Variants in SEMA3A observed in about 807,000 individuals in gnomAD.
SEMA3A encodes the protein semaphorin 3A.
In SEMA3A, 29 loss-of-function variants were observed where a neutral mutation model predicts 97.9. That is an observed-to-expected ratio of 0.30 (90% CI 0.22 to 0.40). SEMA3A has a LOEUF of 0.40. SEMA3A is among the 10% of genes least tolerant of loss of function. SEMA3A has a pLI of 1.00. For missense variants in SEMA3A, 763 were observed against 951.3 expected, an observed-to-expected ratio of 0.80 and a Z score of 2.60; for synonymous variants, 321 against 323.7, an observed-to-expected ratio of 0.99 and a Z score of 0.09.
chr7:84,260,534 G>A (rs368913187), intron 3 of SEMA3A, among the ~76,000 whole-genome samples: 2 of 152,174 alleles, frequency 1.3e-5, no homozygotes, highest in Non-Finnish European at 2.9e-5. Context: ...GCTCGAAAGT[G>A]CCTGTTCCCA....
chr7:83,992,500 G>T (rs1239182008), intron 12 of SEMA3A, among the ~76,000 whole-genome samples: 2 of 151,936 alleles, frequency 1.3e-5, no homozygotes, highest in East Asian at 3.9e-4. Flanking sequence ...ATGCGTCCCA[G>T]AGATTCTGGT....
chr7:84,227,567 C>T (rs1584145580), intron 3 of SEMA3A, among the ~76,000 whole-genome samples: 1 of 152,058 alleles, frequency 6.6e-6, no homozygotes, highest in East Asian at 1.9e-4. Flanking sequence ...TATTATTTGT[C>T]TTTAAAAGAG....
At chr7:84,137,608 G>C (rs1000213277) in intron 1 of SEMA3A, among the ~76,000 whole-genome samples, 1 of 140,030 alleles carries the variant, frequency 7.1e-6, no homozygotes, top group African/African-American at 2.6e-5. Context: ...AAAGAGATCT[G>C]TTTATCAAAT....
chr7:84,474,744 C>A (rs1228970), intron 1 of SEMA3A, among the ~76,000 whole-genome samples: 111,859 of 151,718 alleles, frequency 0.74, 42,508 homozygotes, highest in East Asian at 0.96. Flanking sequence ...AGAACTGCTG[C>A]TGATGATCCT....
At chr7:84,143,949 TAACACACACACACA>T (rs1796387618) in intron 1 of SEMA3A, among the ~76,000 whole-genome samples, 1 of 40,462 alleles carries the variant, frequency 2.5e-5, no homozygotes, top group African/African-American at 5.6e-5. Context: ...TCTCTCTCTC[TAACACACACACACA>T]CACACACACA....
intron 13 of SEMA3A, among the ~76,000 whole-genome samples, chr7:83,982,669 G>GTT (rs1351236105): frequency 6.6e-6 from 1 of 152,038 alleles, no homozygotes; most frequent in Non-Finnish European, 1.5e-5. Flanking sequence ...TAAAAAATGA[G>GTT]TTTTAGAAAA....
chr7:84,227,409 T>A (rs750111342), intron 3 of SEMA3A, among the ~76,000 whole-genome samples: 1 of 148,250 alleles, frequency 6.7e-6, no homozygotes, highest in Non-Finnish European at 1.5e-5. Flanking sequence ...TAAAAATACA[T>A]TTTTTTTTGC....
At chr7:84,302,070 T>C (rs1801031248) in intron 3 of SEMA3A, among the ~76,000 whole-genome samples, 1 of 152,132 alleles carries the variant, frequency 6.6e-6, no homozygotes, top group African/African-American at 2.4e-5. Flanking sequence ...TATATCCATA[T>C]AGAATATCCA....
intron 15 of SEMA3A, 118 bp from the exon 16 acceptor site, chr7:83,963,465 T>A (rs1206065072): frequency 1.9e-6 from 2 of 1,078,232 alleles, no homozygotes; most frequent in African/African-American, 3.1e-5. Context: ...TTGTTTCACA[T>A]TGATTGAGGA....
At chr7:84,440,415 T>C (rs1034937732) in intron 1 of SEMA3A, among the ~76,000 whole-genome samples, 1 of 152,168 alleles carries the variant, frequency 6.6e-6, no homozygotes, top group Admixed American at 6.5e-5. Context: ...TTTCCAAATG[T>C]CATAATTTGT....
At chr7:84,470,186 T>C (rs1412960725) in intron 1 of SEMA3A, among the ~76,000 whole-genome samples, 1 of 152,050 alleles carries the variant, frequency 6.6e-6, no homozygotes. Context: ...GATTCTACTA[T>C]ACTTATAATT....
intron 1 of SEMA3A, among the ~76,000 whole-genome samples, chr7:84,397,203 T>C (rs998933374): frequency 9.9e-5 from 15 of 151,898 alleles, no homozygotes; most frequent in Non-Finnish European, 7.4e-5. Context: ...TTATCATGTC[T>C]ATGACTTTAA....
chr7:84,066,300 C>A (rs1292208138), intron 4 of SEMA3A, among the ~76,000 whole-genome samples: 1 of 151,940 alleles, frequency 6.6e-6, no homozygotes, highest in Non-Finnish European at 1.5e-5. Context: ...TATGACAAAC[C>A]CACATCCAAT....
chr7:84,105,435 T>C (rs114311019), intron 4 of SEMA3A, among the ~76,000 whole-genome samples: 1,976 of 152,230 alleles, frequency 0.013, 40 homozygotes, highest in African/African-American at 0.045. Context: ...TTATTTCATA[T>C]ATAGATATAT....
At chr7:84,427,805 T>G (rs908103677) in intron 1 of SEMA3A, among the ~76,000 whole-genome samples, 6 of 151,960 alleles carry the variant, frequency 3.9e-5, no homozygotes, top group African/African-American at 1.4e-4. Flanking sequence ...TTTGTGCTGA[T>G]AAACCACAGA....
At chr7:84,265,572 A>C (rs1799974200) in intron 3 of SEMA3A, among the ~76,000 whole-genome samples, 1 of 148,652 alleles carries the variant, frequency 6.7e-6, no homozygotes, top group Non-Finnish European at 1.5e-5. Context: ...ATATATATTT[A>C]AGACATATAT....
At chr7:84,311,590 G>A (rs1315089583) in intron 2 of SEMA3A, among the ~76,000 whole-genome samples, 1 of 151,856 alleles carries the variant, frequency 6.6e-6, no homozygotes, top group East Asian at 1.9e-4. Context: ...ACCCTTCAGG[G>A]GTTGATATAT....
intron 1 of SEMA3A, among the ~76,000 whole-genome samples, chr7:84,473,173 T>TGTGTGTGTGTGTGA (rs891778095): frequency 1.2e-4 from 18 of 151,406 alleles, no homozygotes; most frequent in African/African-American, 4.4e-4. Context: ...TGTGTGTGTG[T>TGTGTGTGTGTGTGA]GAAACCTACA....
intron 2 of SEMA3A, among the ~76,000 whole-genome samples, chr7:84,339,994 C>G (rs1467183469): frequency 6.6e-6 from 1 of 151,832 alleles, no homozygotes; most frequent in Non-Finnish European, 1.5e-5. Flanking sequence ...AAAAAACAGT[C>G]AGGGAGGATT....
Sources: gnomAD v4.1 joint callset for allele counts (sites outside exome capture counted in the v4.1 genomes callset) on GRCh38, gnomAD v4.1.1 for gene constraint, MANE v1.5 for transcripts, NCBI Gene and HGNC (gene_info 2026-07-23, HGNC 2026-07-21) for gene names.